Variants in NTM observed in about 807,000 individuals in gnomAD.
The protein encoded by NTM is neurotrimin.
NTM carries 13 observed loss-of-function variants against 42.1 expected under a neutral mutation model. The ratio of observed to expected loss-of-function variants is 0.31; its 90% CI spans 0.20 to 0.49. The LOEUF (loss-of-function observed/expected upper bound fraction) is 0.49, where lower values mean the gene tolerates loss of function less well. Ranked by LOEUF, NTM falls within the 20% of genes least tolerant of loss-of-function variation. The pLI is 0.99. For missense variants in NTM, 373 were observed against 452.8 expected (o/e 0.82, Z 1.60); for synonymous variants, 187 against 179.2 (o/e 1.04, Z -0.35).
intron 2 of NTM, among the ~76,000 whole-genome samples, chr11:131,976,159 T>TTCCTTC (rs1565866210): frequency 9.3e-4 from 40 of 42,992 alleles, no homozygotes; most frequent in African/African-American, 2.9e-3. Flanking sequence ...TTCCTTCCTT[T>TTCCTTC]CTTCCTTCCT....
chr11:131,557,621 A>G (rs2055623430), intron 1 of NTM, among the ~76,000 whole-genome samples: 1 of 151,992 alleles, frequency 6.6e-6, no homozygotes, highest in African/African-American at 2.4e-5. Flanking sequence ...TGCTGTATCA[A>G]CTCTGTGATG....
At chr11:131,994,931 T>C (rs1339263441) in intron 2 of NTM, among the ~76,000 whole-genome samples, 1 of 152,174 alleles carries the variant, frequency 6.6e-6, no homozygotes, top group Non-Finnish European at 1.5e-5. Context: ...TTCCTCCCCC[T>C]CTCTTATTCC....
At chr11:131,370,971 G>A (rs982442584) in intron 1 of NTM, 83 bp downstream of exon 1, 6 of 1,593,444 alleles carry the variant, frequency 3.8e-6, no homozygotes, top group East Asian at 4.5e-5. Flanking sequence ...TCCCCGAGTC[G>A]GCTGTGCTGC....
intron 1 of NTM, among the ~76,000 whole-genome samples, chr11:131,509,245 G>A (rs575583801): frequency 6.6e-6 from 1 of 152,094 alleles, no homozygotes; most frequent in Non-Finnish European, 1.5e-5. Flanking sequence ...GGGCTTTGGG[G>A]TTGCTTATGG....
intron 1 of NTM, among the ~76,000 whole-genome samples, chr11:131,639,410 G>A (rs139922550): frequency 2.7e-4 from 41 of 152,266 alleles, no homozygotes; most frequent in Non-Finnish European, 4.7e-4. Flanking sequence ...TAGTTGAAAT[G>A]GAAGTGCCAC....
At chr11:131,826,211 T>G (rs563354734) in intron 1 of NTM, among the ~76,000 whole-genome samples, 1 of 152,084 alleles carries the variant, frequency 6.6e-6, no homozygotes, top group Non-Finnish European at 1.5e-5. Context: ...AGATTGCTGA[T>G]GGTTGAGGCA....
intron 1 of NTM, among the ~76,000 whole-genome samples, chr11:131,822,848 G>A (rs1490048407): frequency 2.0e-5 from 3 of 151,682 alleles, no homozygotes; most frequent in Non-Finnish European, 4.4e-5. Flanking sequence ...CAAAAAAAGC[G>A]GCTTTGAAAG....
At chr11:131,391,642 GGGAAAAAA>G (rs1565455651) in intron 1 of NTM, among the ~76,000 whole-genome samples, 1 of 87,014 alleles carries the variant, frequency 1.1e-5, no homozygotes, top group Admixed American at 1.3e-4. Flanking sequence ...ACTTTTATCT[GGGAAAAAA>G]AAAAAAAAAA....
intron 3 of NTM, among the ~76,000 whole-genome samples, chr11:132,198,121 T>C (rs1347963423): frequency 6.6e-6 from 1 of 152,232 alleles, no homozygotes; most frequent in African/African-American, 2.4e-5. Flanking sequence ...ACCAACAGTG[T>C]AAAAGTATTG....
At chr11:131,628,039 T>C (rs1324091175) in intron 1 of NTM, among the ~76,000 whole-genome samples, 1 of 152,214 alleles carries the variant, frequency 6.6e-6, no homozygotes, top group East Asian at 1.9e-4. Flanking sequence ...ATGTCTATGG[T>C]AATTGTCATG....
chr11:132,277,469 T>C (rs2093774087), intron 4 of NTM, among the ~76,000 whole-genome samples: 1 of 152,178 alleles, frequency 6.6e-6, no homozygotes, highest in African/African-American at 2.4e-5. Flanking sequence ...ACCTACTTGA[T>C]ACCTTTGCAG....
chr11:131,787,354 G>GATGATTATTATTATTATT (rs1555125914), intron 1 of NTM, among the ~76,000 whole-genome samples: 4 of 144,432 alleles, frequency 2.8e-5, no homozygotes, highest in South Asian at 2.2e-4. Flanking sequence ...CATAATACAA[G>GATGATTATTATTATTATT]ATTATTATTA....
intron 1 of NTM, among the ~76,000 whole-genome samples, chr11:131,900,802 C>A (rs1370004961): frequency 6.6e-6 from 1 of 152,256 alleles, no homozygotes. Flanking sequence ...CTACTATAAG[C>A]AATACTAGGA....
At chr11:131,776,236 T>C (rs1253765163) in intron 1 of NTM, among the ~76,000 whole-genome samples, 1 of 152,204 alleles carries the variant, frequency 6.6e-6, no homozygotes, top group African/African-American at 2.4e-5. Context: ...TTATTTCACA[T>C]TGTCCTCCAG....
intron 4 of NTM, among the ~76,000 whole-genome samples, chr11:132,258,395 G>C (rs2092638429): frequency 6.6e-6 from 1 of 152,092 alleles, no homozygotes; most frequent in Non-Finnish European, 1.5e-5. Context: ...TTTTCCTATA[G>C]TCTTCTAGGA....
In NTM at chr11:132,002,357, T is replaced by A. The variant is rs1199529691; in HGVS notation, c.167+90709T>A. Among the ~76,000 whole-genome samples the A allele has an allele frequency of 6.6e-6, 1 of 152,178 alleles. No homozygotes were observed. Among genetic ancestry groups the A allele is most frequent in the Non-Finnish European group, 1.5e-5 (1 of 68,042 alleles). Reference sequence around the variant, plus strand: ...GGTGTATCATATATTTTAATAAGAATTCAGAAATGGGAGTTTTCTAATAAG... The same window carrying A: ...GGTGTATCATATATTTTAATAAGAAATCAGAAATGGGAGTTTTCTAATAAG... On this transcript the variant is annotated intron_variant, in intron 2 of 8. Coordinates refer to ENST00000683400, the MANE Select transcript of NTM (RefSeq NM_001352005.2). This position sits in a 1 kb window ranked among gnomAD's most constrained non-coding sequence, Gnocchi z 4.5.
At chr11:131,721,712 G>T (rs1014870736) in intron 1 of NTM, among the ~76,000 whole-genome samples, 26 of 152,060 alleles carry the variant, frequency 1.7e-4, no homozygotes, top group African/African-American at 5.8e-4. Context: ...ATGAAATAAT[G>T]CGGGCCAGGA....
rs2053993801 is a variant in NTM at position 131,546,708 on chromosome 11, G to T, written c.82+175820G>T. On this transcript the variant is annotated intron_variant, in intron 1 of 8. Coordinates refer to ENST00000683400, the MANE Select transcript of NTM (RefSeq NM_001352005.2). Reference sequence around the variant, plus strand: ...GTAAATGGAGCAACCACATAAACGAGGAGTGACAAGCACCACGCTGAGCTC... The same window carrying T: ...GTAAATGGAGCAACCACATAAACGATGAGTGACAAGCACCACGCTGAGCTC... 3 of 152,418 alleles carry T rather than the reference G, an allele frequency of 2.0e-5. No individual in the cohort carries two copies. The South Asian group carries it at 6.2e-4, about 32-fold the overall frequency. 9.4% of individuals were successfully genotyped at this position (152,418 alleles called of 1,614,324 possible).
At chr11:132,324,623 A>G (rs1171291) in intron 7 of NTM, among the ~76,000 whole-genome samples, 9 of 142,542 alleles carry the variant, frequency 6.3e-5, no homozygotes, top group South Asian at 2.2e-4. Context: ...ATTCAATGCC[A>G]TCCCCATCAA....
Sources: gnomAD v4.1 joint callset for allele counts (sites outside exome capture counted in the v4.1 genomes callset) on GRCh38, gnomAD v4.1.1 for gene constraint, Gnocchi (gnomAD v3.1) non-coding constraint, MANE v1.5 for transcripts, NCBI Gene and HGNC (gene_info 2026-07-23, HGNC 2026-07-21) for gene names.